The following COQ6 variants were observed in gnomAD, a reference collection of about 807,000 sequenced individuals.
The protein encoded by COQ6 is coenzyme Q6, monooxygenase.
In COQ6, 45 loss-of-function variants were observed where a neutral mutation model predicts 55.5. The ratio of observed to expected loss-of-function variants is 0.81; its 90% confidence interval spans 0.64 to 1.04. The LOEUF is 1.04. Among genes scored for constraint, COQ6 ranks in the 50% least tolerant of loss-of-function variants. COQ6 has a pLI of 0.00. For synonymous variants in COQ6, 206 were observed against 230.5 expected, an observed-to-expected ratio of 0.89 and a Z score of 0.96; for missense variants, 550 against 601.3, an observed-to-expected ratio of 0.91 and a Z score of 0.89.
chr14:73,959,852 G>A (rs2056629762), intron 8 of COQ6: 1 of 1,289,876 alleles, frequency 7.8e-7, no homozygotes, highest in Non-Finnish European at 9.9e-7. Flanking sequence ...TTACAGGCGT[G>A]AGCCACTGCA....
upstream of COQ6, chr14:73,950,075 G>T (rs1477163319): frequency 1.9e-5 from 30 of 1,604,810 alleles, no homozygotes; most frequent in Non-Finnish European, 2.5e-5. Flanking sequence ...AGTGGCAGCA[G>T]CGGTGGCAGC....
chr14:73,959,863 C>T (rs1282700564), intron 8 of COQ6: 3 of 1,266,944 alleles, frequency 2.4e-6, no homozygotes, highest in Middle Eastern at 3.2e-4. Context: ...AGCCACTGCA[C>T]CCAGCCAGAA....
At position 73,959,195 on chromosome 14, in the gene COQ6, C is replaced by T. The variant is rs767443437; in HGVS notation, c.754C>T (p.Leu252Phe). ...AAACAACGTAGCCTGGCAGAGATTT[C>T]TTCCCTCTGGGCCTATTGCTCTGCT... ...TENNVAWQRF[L>F]PSGPIALLPL... Residue 252 changes from leucine to phenylalanine, a missense_variant, in exon 7 of 12, where the codon CTT becomes TTT. Physicochemically the swap from Leu to Phe is conservative, Grantham distance 22. Coordinates refer to ENST00000334571, the MANE Select transcript of COQ6 (RefSeq NM_182476.3). The T allele has an allele frequency of 6.2e-7, 1 of 1,614,238 alleles. No homozygotes were observed. The highest frequency in any genetic ancestry group is 8.5e-7 in the Non-Finnish European group (1 of 1,180,040).
intron 2 of COQ6, chr14:73,955,199 C>T (rs556949964): frequency 2.2e-4 from 116 of 528,466 alleles, no homozygotes; most frequent in African/African-American, 3.8e-5. Context: ...GTGATCCGCC[C>T]GCCTCAGTCT....
At chr14:73,952,462 G>C (rs1478499262) in intron 1 of COQ6, among the ~76,000 whole-genome samples, 5 of 151,752 alleles carry the variant, frequency 3.3e-5, no homozygotes, top group Non-Finnish European at 1.5e-5. Flanking sequence ...TTTGAGACAG[G>C]GTTTTGCTCT....
At chr14:73,950,079 T>C (rs190881382), upstream of COQ6, 10 of 1,606,460 alleles carry the variant, frequency 6.2e-6, no homozygotes, top group South Asian at 8.8e-5. Flanking sequence ...GCAGCAGCGG[T>C]GGCAGCGAGA....
At position 73,958,289 on chromosome 14, in the gene COQ6, T is replaced by C. The variant is rs754825802; in HGVS notation, c.612+12T>C. On this transcript the variant is annotated intron_variant, in intron 5 of 11. Coordinates refer to ENST00000334571, the MANE Select transcript of COQ6 (RefSeq NM_182476.3). ...AGACCAAATTGTTGGTAGTTGAAGATTCTTATTTTGCTAGGGGTCTTGTAT... is the reference window on the plus strand; with the variant it reads ...AGACCAAATTGTTGGTAGTTGAAGACTCTTATTTTGCTAGGGGTCTTGTAT... 6.2e-7 allele frequency: 1 copy of C among 1,613,804 alleles called. No individual in the cohort carries two copies. The highest frequency in any genetic ancestry group is 8.5e-7 in the Non-Finnish European group (1 of 1,179,802).
At chr14:73,956,078 A>T (rs1379614418) in intron 4 of COQ6, 150 bp downstream of exon 4, 1 of 1,113,954 alleles carries the variant, frequency 9.0e-7, no homozygotes, top group Admixed American at 1.8e-5. Context: ...TAATCCCAGC[A>T]CTTTTGGAGG....
chr14:73,951,584 C>T (rs1484267422), intron 1 of COQ6, among the ~76,000 whole-genome samples: 1 of 151,712 alleles, frequency 6.6e-6, no homozygotes, highest in Non-Finnish European at 1.5e-5. Context: ...CCCCTTCCTC[C>T]CAAAGTGCTG....
rs185237420 is a variant in COQ6, at chr14:73,952,547, T to G, written c.164-888T>G. 9.2e-5 allele frequency among the ~76,000 whole-genome samples: 14 copies of G among 152,128 alleles called. No individual in the cohort carries two copies. The East Asian group carries it at 2.7e-3, about 29-fold the overall frequency. Reference sequence around the variant, plus strand: ...CATGCCTGGCTAGTTAAAAAAAATTTTTTTTTGTAGAGACAGGGTCTCGCC... The same window carrying G: ...CATGCCTGGCTAGTTAAAAAAAATTGTTTTTTGTAGAGACAGGGTCTCGCC... On this transcript the variant is annotated intron_variant, in intron 1 of 11. Transcript: ENST00000334571.
At position 73,957,016 on chromosome 14, in the gene COQ6, C is replaced by T. The variant is rs114427096; in HGVS notation, c.481+1088C>T. On this transcript the variant is annotated intron_variant, in intron 4 of 11. Transcript: ENST00000334571. ...ACCAAAGCTGTAATTGCAGTTGTCTCTGAGTAGTTTAAGGGTGATTTTTCT... is the reference window on the plus strand; with the variant it reads ...ACCAAAGCTGTAATTGCAGTTGTCTTTGAGTAGTTTAAGGGTGATTTTTCT... Among the ~76,000 whole-genome samples the T allele has an allele frequency of 6.0e-3, 909 of 152,142 alleles. 8 individuals are homozygous for T. Among genetic ancestry groups the T allele is most frequent in the African/African-American group, 0.021 (868 of 41,522 alleles).
At chr14:73,952,343 G>C (rs961212965) in intron 1 of COQ6, among the ~76,000 whole-genome samples, 1 of 151,778 alleles carries the variant, frequency 6.6e-6, no homozygotes, top group African/African-American at 2.4e-5. Context: ...CGCTGGTCTT[G>C]AACTCCTGAG....
In COQ6 at chr14:73,950,343, GGCTTGTCA is replaced by G; in HGVS notation, c.14_21del (p.Leu5ProfsTer30). 1 of 1,553,098 alleles carries G rather than the reference GGCTTGTCA, an allele frequency of 6.4e-7. No individual in the cohort carries two copies. Among genetic ancestry groups the G allele is most frequent in the South Asian group, 1.2e-5 (1 of 85,130 alleles). Reference sequence around the variant, plus strand: ...GCGCAGGTCTGCACCATGGCGGCCCGGCTTGTCAGCCGATGCGGGGCTGTGCGTGCAGC... The same window carrying G: ...GCGCAGGTCTGCACCATGGCGGCCCGGCCGATGCGGGGCTGTGCGTGCAGC... On this transcript the variant is annotated frameshift_variant, in exon 1 of 12. Coordinates refer to ENST00000334571, the MANE Select transcript of COQ6 (RefSeq NM_182476.3). LOFTEE classifies it high-confidence loss of function.
chr14:73,959,464 C>A lies in COQ6; in HGVS notation c.833C>A (p.Ala278Glu). ...SLVWSTSHEH[A>E]AELVSMDEEK... is the part of the protein sequence containing the mutation. ...GTTTGGTCCACGTCCCATGAACATG[C>A]AGCAGAGCTAGTTAGCATGGATGAG... The change falls in exon 8 of 12, where the codon GCA becomes GAA. Residue 278 changes from alanine to glutamate, a missense_variant. By Grantham distance (107) the Ala-to-Glu change is moderately radical. Transcript: ENST00000334571. 1 of 1,614,238 alleles carries A rather than the reference C, an allele frequency of 6.2e-7. No homozygotes were observed. The highest frequency in any genetic ancestry group is 8.5e-7 in the Non-Finnish European group (1 of 1,180,048).
At chr14:73,957,101 A>ATT (rs1418106208) in intron 4 of COQ6, among the ~76,000 whole-genome samples, 21 of 143,578 alleles carry the variant, frequency 1.5e-4, no homozygotes, top group African/African-American at 5.1e-4. Flanking sequence ...TATTATTATT[A>ATT]TTTTTTTTTT....
At chr14:73,953,899 C>T in intron 2 of COQ6, 1 of 386,550 alleles carries the variant, frequency 2.6e-6, no homozygotes, top group East Asian at 5.6e-5. Context: ...GCAGGGCTCT[C>T]TTCATCCTGA....
At chr14:73,957,166 C>T (rs975709285) in intron 4 of COQ6, among the ~76,000 whole-genome samples, 3 of 151,360 alleles carry the variant, frequency 2.0e-5, no homozygotes, top group Admixed American at 6.6e-5. Flanking sequence ...GGCACAGTCT[C>T]GGCTCACTGC....
intron 2 of COQ6, among the ~76,000 whole-genome samples, chr14:73,955,142 A>G (rs1165239544): frequency 6.6e-6 from 1 of 151,338 alleles, no homozygotes; most frequent in African/African-American, 2.4e-5. Flanking sequence ...TTTAGTGAAG[A>G]TGAGGTTTCA....
chr14:73,961,969 CAG>C (rs2140423053), intron 11 of COQ6, 66 bp downstream of exon 11: 16 of 1,578,450 alleles, frequency 1.0e-5, no homozygotes, highest in Admixed American at 3.3e-5. Context: ...TTTTTTGAAA[CAG>C]AGTCTTGGTC....
Sources: allele counts gnomAD v4.1 joint callset (sites outside exome capture counted in the v4.1 genomes callset), GRCh38; gene constraint gnomAD v4.1.1; transcripts MANE v1.5; gene names NCBI Gene and HGNC (gene_info 2026-07-23, HGNC 2026-07-21).